SGCZ: variants seen among roughly 807,000 people sequenced by gnomAD.
SGCZ encodes the protein sarcoglycan zeta.
Under a neutral mutation model 41.3 loss-of-function variants are expected in SGCZ, and 40 were observed. That is an observed-to-expected ratio of 0.97 (90% confidence interval 0.75 to 1.26). The LOEUF is 1.26. Among genes scored for constraint, SGCZ ranks in the 50% most tolerant of loss-of-function variants. The pLI, the probability that SGCZ is intolerant of heterozygous loss-of-function variation, is 0.00. For missense variants in SGCZ, 552 were observed against 369.8 expected (o/e 1.49, Z -4.04); for synonymous variants, 206 against 137.5 (o/e 1.50, Z -3.49).
chr8:14,379,132 A>G (rs944612649), intron 2 of SGCZ, among the ~76,000 whole-genome samples: 4 of 152,190 alleles, frequency 2.6e-5, no homozygotes, highest in Admixed American at 1.3e-4. Flanking sequence ...AGCAAATTTA[A>G]GTAGGAAAAA....
intron 1 of SGCZ, among the ~76,000 whole-genome samples, chr8:15,115,395 A>T (rs1426515152): frequency 2.0e-5 from 3 of 152,224 alleles, no homozygotes; most frequent in Non-Finnish European, 4.4e-5. Context: ...ACTGTTGGAA[A>T]ACTGGATGTA....
At chr8:14,282,013 A>G (rs748099338) in intron 3 of SGCZ, among the ~76,000 whole-genome samples, 6 of 152,252 alleles carry the variant, frequency 3.9e-5, no homozygotes, top group Non-Finnish European at 8.8e-5. Context: ...CTTAGTTTAT[A>G]TCCAACCAGT....
intron 1 of SGCZ, among the ~76,000 whole-genome samples, chr8:14,736,192 T>C (rs1330770554): frequency 6.6e-6 from 1 of 152,160 alleles, no homozygotes; most frequent in African/African-American, 2.4e-5. Flanking sequence ...CCATGTTTTG[T>C]AGAGGTTCAT....
intron 2 of SGCZ, among the ~76,000 whole-genome samples, chr8:14,350,994 T>C (rs988292074): frequency 6.6e-6 from 1 of 152,160 alleles, no homozygotes; most frequent in Non-Finnish European, 1.5e-5. Flanking sequence ...TGTCTATGCA[T>C]GCGTAGGGTC....
intron 1 of SGCZ, among the ~76,000 whole-genome samples, chr8:14,920,390 C>T (rs1233417132): frequency 6.6e-6 from 1 of 152,160 alleles, no homozygotes; most frequent in African/African-American, 2.4e-5. Flanking sequence ...TGTTCAAATG[C>T]ACTGTTTTTA....
chr8:14,710,356 C>A (rs1187837982), intron 1 of SGCZ, among the ~76,000 whole-genome samples: 5 of 121,532 alleles, frequency 4.1e-5, no homozygotes, highest in Admixed American at 1.1e-4. Context: ...GGCGACAGAG[C>A]GAGACTCCGC....
chr8:14,621,405 G>A (rs1251891945), intron 1 of SGCZ, among the ~76,000 whole-genome samples: 4 of 151,616 alleles, frequency 2.6e-5, no homozygotes, highest in Admixed American at 6.6e-5. Flanking sequence ...CCTGCACGTT[G>A]TGCACATGTA....
chr8:14,958,752 C>T (rs1800872947), intron 1 of SGCZ, among the ~76,000 whole-genome samples: 1 of 151,968 alleles, frequency 6.6e-6, no homozygotes, highest in East Asian at 1.9e-4. Flanking sequence ...ATATTGAACT[C>T]TATGATGTTG....
intron 1 of SGCZ, among the ~76,000 whole-genome samples, chr8:15,038,737 A>C (rs1409310047): frequency 6.6e-6 from 1 of 151,522 alleles, no homozygotes; most frequent in Non-Finnish European, 1.5e-5. Context: ...TCCGAAATAC[A>C]TAAGAAACTC....
chr8:14,683,755 A>C (rs1465258355), intron 1 of SGCZ, among the ~76,000 whole-genome samples: 2 of 152,122 alleles, frequency 1.3e-5, no homozygotes, highest in African/African-American at 4.8e-5. Context: ...TTTTTCAAAA[A>C]ATATTGCCAT....
chr8:14,131,098 C>T (rs568530530), intron 5 of SGCZ, among the ~76,000 whole-genome samples: 1 of 152,268 alleles, frequency 6.6e-6, no homozygotes, highest in South Asian at 2.1e-4. Flanking sequence ...GATCTTTTGC[C>T]TATCAAACTT....
At chr8:14,603,644 C>A (rs1337834524) in intron 1 of SGCZ, among the ~76,000 whole-genome samples, 2 of 151,890 alleles carry the variant, frequency 1.3e-5, no homozygotes, top group Non-Finnish European at 1.5e-5. Context: ...GATAGAAAGA[C>A]CCACAAATGC....
chr8:14,786,819 G>T (rs1021846745), intron 1 of SGCZ, among the ~76,000 whole-genome samples: 1 of 145,536 alleles, frequency 6.9e-6, no homozygotes, highest in Non-Finnish European at 1.5e-5. Context: ...ACAAGGAGTG[G>T]AAGAGTTGGA....
At chr8:15,080,052 TTC>T (rs774345588) in intron 1 of SGCZ, among the ~76,000 whole-genome samples, 37 of 152,272 alleles carry the variant, frequency 2.4e-4, no homozygotes, top group Admixed American at 3.9e-4. Context: ...TTTTTTTATC[TTC>T]TGTTTTTCTT....
rs1440136658 is a variant in SGCZ, at chr8:14,087,737, G to C, written c.*2706C>G. 6.7e-6 allele frequency among the ~76,000 whole-genome samples: 1 copy of C among 149,994 alleles called. No individual in the cohort carries two copies. Among genetic ancestry groups the C allele is most frequent in the Non-Finnish European group, 1.5e-5 (1 of 67,542 alleles). The stretch of plus-strand genomic sequence containing the variant: ...TTTAAAAAAAAAAAAATGCTTTTTT[G>C]TGTTTGAATGTGGAAAACGAGGACA... On this transcript the variant is annotated 3_prime_UTR_variant, in exon 8 of 8. Transcript: ENST00000382080.
rs1258410378 is a variant in SGCZ at position 14,359,815 on chromosome 8, G to GA, written c.235-35612dup. Among the ~76,000 whole-genome samples the GA allele has an allele frequency of 6.7e-3, 731 of 109,424 alleles. 6 individuals are homozygous for GA. The highest frequency in any genetic ancestry group is 0.015 in the African/African-American group (482 of 32,254). The allele number at this position is 109,424 out of a possible 152,430, so 71.8% of individuals were successfully genotyped here. ...GCTAGTATTGCCTAATACAAAAAAA[G>GA]AAAAAAAAAAAAAACAAATATCCCG... On this transcript the variant is annotated intron_variant, in intron 2 of 7. Transcript: ENST00000382080.
chr8:14,764,589 A>G (rs1799986168), intron 1 of SGCZ, among the ~76,000 whole-genome samples: 1 of 152,170 alleles, frequency 6.6e-6, no homozygotes, highest in Non-Finnish European at 1.5e-5. Context: ...TTACAAGGTA[A>G]TTGGTTTTGT....
Position 14,459,255 on chromosome 8 carries a change from C to T in SGCZ, c.234+95477G>A, listed in dbSNP as rs542083841. 2.6e-3 allele frequency among the ~76,000 whole-genome samples: 396 copies of T among 151,286 alleles called. 4 individuals are homozygous for T. The highest frequency in any genetic ancestry group is 8.9e-3 in the African/African-American group (365 of 41,176). ...ACACAGGAAGGGGAACACCACACAC[C>T]GGGGCCTGTTGTGGGGTAGGGGGAT... On this transcript the variant is annotated intron_variant, in intron 2 of 7. Coordinates refer to ENST00000382080, the MANE Select transcript of SGCZ (RefSeq NM_139167.4).
intron 1 of SGCZ, among the ~76,000 whole-genome samples, chr8:14,960,295 G>A (rs1800922526): frequency 6.6e-6 from 1 of 151,876 alleles, no homozygotes; most frequent in African/African-American, 2.4e-5. Flanking sequence ...TAATTTCCTT[G>A]GCTTGATTAT....
Sources: allele counts gnomAD v4.1 joint callset (sites outside exome capture counted in the v4.1 genomes callset), GRCh38; gene constraint gnomAD v4.1.1; transcripts MANE v1.5; gene names NCBI Gene and HGNC (gene_info 2026-07-23, HGNC 2026-07-21).